Variants in GMDS observed in about 807,000 individuals in gnomAD.
The protein encoded by GMDS is GDP-mannose 4,6 dehydratase.
GMDS carries 20 observed loss-of-function variants against 49.9 expected under a neutral mutation model. The ratio of observed to expected loss-of-function variants is 0.40; its 90% confidence interval spans 0.28 to 0.58. The LOEUF (loss-of-function observed/expected upper bound fraction) is 0.58. GMDS is among the 20% of genes least tolerant of loss of function. GMDS has a pLI of 0.42. For missense variants in GMDS, 362 were observed against 481.4 expected (o/e 0.75, Z 2.32); for synonymous variants, 177 against 178.6 (o/e 0.99, Z 0.07).
chr6:1,825,670 T>C (rs1771076256), intron 7 of GMDS, among the ~76,000 whole-genome samples: 2 of 152,252 alleles, frequency 1.3e-5, no homozygotes, highest in Admixed American at 1.3e-4. Context: ...TTTGTGTTTC[T>C]AAACATTTCG....
At chr6:2,053,565 C>T (rs984072924) in intron 4 of GMDS, among the ~76,000 whole-genome samples, 1 of 151,950 alleles carries the variant, frequency 6.6e-6, no homozygotes, top group Non-Finnish European at 1.5e-5. Context: ...GAAACCTACA[C>T]TTATTAACTT....
chr6:2,229,002 G>A (rs1162654916), intron 1 of GMDS, among the ~76,000 whole-genome samples: 2 of 152,152 alleles, frequency 1.3e-5, no homozygotes, highest in Non-Finnish European at 2.9e-5. Flanking sequence ...AAGGGAAGGG[G>A]AAGAAGACAG....
At chr6:2,190,738 A>C (rs544391630) in intron 1 of GMDS, among the ~76,000 whole-genome samples, 1 of 152,332 alleles carries the variant, frequency 6.6e-6, no homozygotes, top group East Asian at 1.9e-4. Flanking sequence ...CCTATCACAA[A>C]GAAGGTTCTT....
chr6:1,669,875 T>C (rs1764357562), intron 9 of GMDS, among the ~76,000 whole-genome samples: 1 of 124,700 alleles, frequency 8.0e-6, no homozygotes, highest in African/African-American at 3.1e-5. Context: ...ATCGCGCCAC[T>C]GCACTCCAAC....
At chr6:1,709,762 T>C (rs1259573728) in intron 9 of GMDS, among the ~76,000 whole-genome samples, 1 of 152,236 alleles carries the variant, frequency 6.6e-6, no homozygotes, top group Non-Finnish European at 1.5e-5. Context: ...TGAGAATTAA[T>C]GCTGTAACTA....
chr6:2,144,433 G>A (rs567575961), intron 1 of GMDS, among the ~76,000 whole-genome samples: 1 of 152,318 alleles, frequency 6.6e-6, no homozygotes, highest in East Asian at 1.9e-4. Context: ...GGACTTCCAG[G>A]AAAAACAAGG....
chr6:1,639,492 G>C (rs77172936), intron 9 of GMDS, among the ~76,000 whole-genome samples: 1 of 152,204 alleles, frequency 6.6e-6, no homozygotes, highest in South Asian at 2.1e-4. Flanking sequence ...GAACTGCCCC[G>C]TTTAGTACGG....
intron 10 of GMDS, 70 bp downstream of exon 10, chr6:1,624,402 G>C (rs1762780317): frequency 1.4e-6 from 2 of 1,445,008 alleles, no homozygotes; most frequent in Non-Finnish European, 9.6e-7. Context: ...TCAGGCGCCC[G>C]ACCCTGAGAG....
intron 4 of GMDS, among the ~76,000 whole-genome samples, chr6:2,114,972 C>CAAAA (rs1554166845): frequency 3.1e-4 from 47 of 151,122 alleles, no homozygotes; most frequent in South Asian, 6.3e-4. Flanking sequence ...AACAAACAAA[C>CAAAA]AAAAAAAAAC....
At chr6:1,890,575 T>C (rs1011637464) in intron 7 of GMDS, among the ~76,000 whole-genome samples, 1 of 152,176 alleles carries the variant, frequency 6.6e-6, no homozygotes, top group Non-Finnish European at 1.5e-5. Flanking sequence ...TTAACTTTGA[T>C]GGAGTCCATT....
chr6:1,864,908 T>A (rs552336147), intron 7 of GMDS, among the ~76,000 whole-genome samples: 10 of 152,368 alleles, frequency 6.6e-5, no homozygotes, highest in African/African-American at 2.4e-4. Flanking sequence ...CAGTGTAAGA[T>A]GTTAAAAATA....
intron 9 of GMDS, among the ~76,000 whole-genome samples, chr6:1,652,818 C>T (rs1410533859): frequency 7.6e-6 from 1 of 132,262 alleles, no homozygotes; most frequent in African/African-American, 2.9e-5. Context: ...ACACTGAGGT[C>T]TCCCTCCTGT....
Position 2,202,947 on chromosome 6 carries a change from C to T in GMDS, c.102+42374G>A, listed in dbSNP as rs77879772. ...GTCACCCTGAATCAAGCAATAAAGG[C>T]GCCTGGGTCTGGGCTGTGCACCCCC... On this transcript the variant is annotated intron_variant, in intron 1 of 10. Transcript: ENST00000380815. Among the ~76,000 whole-genome samples the T allele has an allele frequency of 3.1e-3, 473 of 152,224 alleles. 2 individuals carry two copies. Among genetic ancestry groups the T allele is most frequent in the African/African-American group, 0.011 (452 of 41,526 alleles).
At chr6:2,146,726 T>C (rs958695728) in intron 1 of GMDS, among the ~76,000 whole-genome samples, 3 of 152,216 alleles carry the variant, frequency 2.0e-5, no homozygotes, top group African/African-American at 7.2e-5. Flanking sequence ...TTGATTTTTT[T>C]CTTGGTTCTT....
At chr6:1,876,848 T>C (rs1759094134) in intron 7 of GMDS, among the ~76,000 whole-genome samples, 1 of 152,116 alleles carries the variant, frequency 6.6e-6, no homozygotes, top group Non-Finnish European at 1.5e-5. Context: ...TGTAAAGAGG[T>C]TCTCTGATCA....
chr6:2,190,640 C>A (rs149998133), intron 1 of GMDS, among the ~76,000 whole-genome samples: 2 of 152,340 alleles, frequency 1.3e-5, no homozygotes, highest in East Asian at 3.9e-4. Context: ...CTCCCTGACA[C>A]AGCACATGTT....
intron 4 of GMDS, among the ~76,000 whole-genome samples, chr6:2,015,915 G>A (rs1767862340): frequency 6.6e-6 from 1 of 151,774 alleles, no homozygotes; most frequent in Non-Finnish European, 1.5e-5. Context: ...TCAGTTTATG[G>A]TTTTTTTCTT....
intron 7 of GMDS, among the ~76,000 whole-genome samples, chr6:1,791,539 C>T (rs1769540973): frequency 6.6e-6 from 1 of 152,164 alleles, no homozygotes; most frequent in Non-Finnish European, 1.5e-5. Context: ...GCCACATCTC[C>T]AAATACGATC....
intron 9 of GMDS, among the ~76,000 whole-genome samples, chr6:1,672,146 A>G (rs970783668): frequency 2.0e-5 from 3 of 152,170 alleles, no homozygotes; most frequent in Non-Finnish European, 4.4e-5. Flanking sequence ...CAAGACAACT[A>G]CATTTGGGTC....
Sources: gnomAD v4.1 joint callset for allele counts (sites outside exome capture counted in the v4.1 genomes callset) on GRCh38, gnomAD v4.1.1 for gene constraint, MANE v1.5 for transcripts, NCBI Gene and HGNC (gene_info 2026-07-23, HGNC 2026-07-21) for gene names.